Variants in LUZP2 observed in about 807,000 individuals in gnomAD.
LUZP2 encodes leucine zipper protein 2.
Under a neutral mutation model 51.6 loss-of-function variants are expected in LUZP2, and 52 were observed. The ratio of observed to expected loss-of-function variants is 1.01; its 90% confidence interval spans 0.81 to 1.27. LUZP2 has a LOEUF of 1.27. Among genes scored for constraint, LUZP2 ranks in the 50% most tolerant of loss-of-function variants. The pLI is 0.00. For synonymous variants in LUZP2, 154 were observed against 137.3 expected (o/e 1.12, Z -0.85); for missense variants, 436 against 395.4 (o/e 1.10, Z -0.87).
At chr11:24,898,611 A>G (rs891263266) in intron 5 of LUZP2, among the ~76,000 whole-genome samples, 13 of 149,328 alleles carry the variant, frequency 8.7e-5, no homozygotes, top group East Asian at 4.0e-4. Flanking sequence ...CGACAGAGCA[A>G]GACTCTGTGT....
intron 9 of LUZP2, among the ~76,000 whole-genome samples, chr11:25,008,289 A>G (rs1382407967): frequency 6.6e-6 from 1 of 152,182 alleles, no homozygotes; most frequent in East Asian, 1.9e-4. Flanking sequence ...GATGAGGGAA[A>G]AGTGGTGGAA....
intron 10 of LUZP2, among the ~76,000 whole-genome samples, chr11:25,067,930 G>A (rs941273970): frequency 2.0e-5 from 3 of 152,042 alleles, no homozygotes; most frequent in African/African-American, 7.2e-5. Context: ...GCCCATCAAT[G>A]ATAGACTGGA....
At chr11:24,829,965 G>A (rs1850649576) in intron 5 of LUZP2, among the ~76,000 whole-genome samples, 1 of 152,188 alleles carries the variant, frequency 6.6e-6, no homozygotes, top group Admixed American at 6.5e-5. Context: ...CGATCCATGA[G>A]AGATAGGGTA....
chr11:24,941,969 C>T (rs2133850316), intron 7 of LUZP2, among the ~76,000 whole-genome samples: 1 of 151,410 alleles, frequency 6.6e-6, no homozygotes, highest in East Asian at 1.9e-4. Flanking sequence ...ATTGTTTTGC[C>T]TCTTCTAGAA....
intron 9 of LUZP2, among the ~76,000 whole-genome samples, chr11:25,009,800 T>A (rs546437380): frequency 2.2e-3 from 330 of 152,278 alleles, no homozygotes; most frequent in Middle Eastern, 3.4e-3. Flanking sequence ...AAAAATAACA[T>A]GATCTTAGTG....
In LUZP2 at chr11:24,497,185, G is replaced by T; in HGVS notation, c.-59G>T. The T allele has an allele frequency of 6.8e-7, 1 of 1,460,394 alleles. No homozygotes were observed. The highest frequency in any genetic ancestry group is 1.4e-5 in the African/African-American group (1 of 69,612). The allele number at this position is 1,460,394 out of a possible 1,614,324, so 90.5% of individuals were successfully genotyped here. ...CAGAGCCGGGCACCAAGGAGCGACA[G>T]GATCCCGAAGAGAGAGAGAGAAGGC... On this transcript the variant is annotated 5_prime_UTR_variant, in exon 1 of 12. The change creates a new upstream start codon in the 5' untranslated region. Coordinates refer to ENST00000336930, the MANE Select transcript of LUZP2 (RefSeq NM_001009909.4).
At chr11:24,508,542 C>T (rs1430114984) in intron 1 of LUZP2, among the ~76,000 whole-genome samples, 2 of 152,062 alleles carry the variant, frequency 1.3e-5, no homozygotes, top group African/African-American at 4.8e-5. Context: ...TGGTTTTCTA[C>T]TGCCTGGCTC....
chr11:24,813,645 T>A (rs1377382290), intron 5 of LUZP2, among the ~76,000 whole-genome samples: 1 of 152,048 alleles, frequency 6.6e-6, no homozygotes, highest in Non-Finnish European at 1.5e-5. Context: ...GATCCAAACA[T>A]CTCCCACCAG....
At chr11:24,534,606 G>T (rs191143386) in intron 1 of LUZP2, among the ~76,000 whole-genome samples, 4 of 151,434 alleles carry the variant, frequency 2.6e-5, no homozygotes. Flanking sequence ...TCTTCAGTAA[G>T]AAGATAATTT....
chr11:24,705,096 T>C (rs1857536117), intron 1 of LUZP2, among the ~76,000 whole-genome samples: 1 of 152,120 alleles, frequency 6.6e-6, no homozygotes, highest in African/African-American at 2.4e-5. Flanking sequence ...CATTCTTTTT[T>C]TTCTTGAAAA....
chr11:24,854,986 T>A (rs1357066532), intron 5 of LUZP2, among the ~76,000 whole-genome samples: 1 of 152,150 alleles, frequency 6.6e-6, no homozygotes. Context: ...CCCAGTGAGA[T>A]GAGCTGGGTA....
chr11:24,803,127 CA>C (rs1304014404), intron 5 of LUZP2, among the ~76,000 whole-genome samples: 1 of 151,892 alleles, frequency 6.6e-6, no homozygotes, highest in Non-Finnish European at 1.5e-5. Flanking sequence ...TTATGTTTGA[CA>C]AGGGATTAAT....
chr11:25,054,338 G>A (rs1858613899), intron 10 of LUZP2, among the ~76,000 whole-genome samples: 1 of 152,138 alleles, frequency 6.6e-6, no homozygotes, highest in Admixed American at 6.5e-5. Flanking sequence ...TTTCAATAAA[G>A]TTCAACTCAT....
chr11:24,721,717 A>C (rs1214387739), intron 1 of LUZP2, among the ~76,000 whole-genome samples: 1 of 152,308 alleles, frequency 6.6e-6, no homozygotes, highest in East Asian at 1.9e-4. Context: ...AAAACTCAAC[A>C]TTTTTAAAAT....
chr11:25,053,967 T>C (rs1858602695), intron 10 of LUZP2, among the ~76,000 whole-genome samples: 1 of 152,186 alleles, frequency 6.6e-6, no homozygotes, highest in Non-Finnish European at 1.5e-5. Flanking sequence ...TTCTCAGTAA[T>C]GAGGGCTCAC....
intron 1 of LUZP2, among the ~76,000 whole-genome samples, chr11:24,564,532 A>G (rs1039562584): frequency 2.0e-5 from 3 of 152,156 alleles, no homozygotes; most frequent in Middle Eastern, 3.2e-3. Context: ...ATTTTGATAT[A>G]GAACCTTTCA....
rs1023041259 is a variant in LUZP2 at position 25,079,351 on chromosome 11, T to C, written c.*693T>C. On this transcript the variant is annotated 3_prime_UTR_variant, in exon 12 of 12. Transcript: ENST00000336930. ...TCTATAGACACATCTCCTATGTATG[T>C]CTACTGTAATTAATCCAAGTTAATA... The C allele has an allele frequency of 6.6e-6, 1 of 152,194 alleles. No homozygotes were observed. The highest frequency in any genetic ancestry group is 1.5e-5 in the Non-Finnish European group (1 of 68,016). The allele number at this position is 152,194 out of a possible 1,614,324, so 9.4% of individuals were successfully genotyped here.
chr11:24,575,310 A>G (rs1302288891), intron 1 of LUZP2, among the ~76,000 whole-genome samples: 1 of 152,050 alleles, frequency 6.6e-6, no homozygotes, highest in African/African-American at 2.4e-5. Context: ...TTCCTTCTTG[A>G]TATCTTTGGT....
At chr11:24,558,227 A>G (rs1478838422) in intron 1 of LUZP2, among the ~76,000 whole-genome samples, 3 of 152,086 alleles carry the variant, frequency 2.0e-5, no homozygotes, top group African/African-American at 4.8e-5. Context: ...GACTGAGCCT[A>G]ACACTGTCAA....
Sources: gnomAD v4.1 joint callset for allele counts (sites outside exome capture counted in the v4.1 genomes callset) on GRCh38, gnomAD v4.1.1 for gene constraint, MANE v1.5 for transcripts, NCBI Gene and HGNC (gene_info 2026-07-23, HGNC 2026-07-21) for gene names.